Variants in IL23R observed in about 807,000 individuals in gnomAD.
The protein encoded by IL23R is interleukin 23 receptor, also known as interleukin-23 receptor.
A neutral mutation model predicts 56.9 loss-of-function variants in IL23R; 34 were observed. The observed-to-expected ratio is 0.60, with a 90% CI of 0.45 to 0.80. The LOEUF (loss-of-function observed/expected upper bound fraction) is 0.80. Ranked by LOEUF, IL23R falls within the 30% of genes least tolerant of loss-of-function variation. IL23R has a pLI of 0.00. For missense variants in IL23R, 635 were observed against 730.0 expected (o/e 0.87, Z 1.50); for synonymous variants, 230 against 249.2 (o/e 0.92, Z 0.73).
intron 7 of IL23R, among the ~76,000 whole-genome samples, chr1:67,222,102 C>CTTTTTTTTT (rs72241835): frequency 1.9e-3 from 110 of 58,868 alleles, no homozygotes; most frequent in Non-Finnish European, 2.5e-3. Context: ...TTCTTTCTTT[C>CTTTTTTTTT]TTTTTTTTTT....
chr1:67,264,702 G>A (rs1017810814), downstream of IL23R, among the ~76,000 whole-genome samples: 2 of 152,228 alleles, frequency 1.3e-5, no homozygotes, highest in East Asian at 1.9e-4. Flanking sequence ...TTATGTTAAG[G>A]CTTTCTTAGC....
At chr1:67,225,210 C>T (rs1469028047) in intron 7 of IL23R, among the ~76,000 whole-genome samples, 1 of 152,108 alleles carries the variant, frequency 6.6e-6, no homozygotes, top group African/African-American at 2.4e-5. Flanking sequence ...GAAATGCAAA[C>T]GCATGAGAAA....
At chr1:67,263,649 G>A (rs1321383891), downstream of IL23R, among the ~76,000 whole-genome samples, 8 of 152,134 alleles carry the variant, frequency 5.3e-5, no homozygotes, top group Non-Finnish European at 8.8e-5. Context: ...AGTGGCTCAC[G>A]CCTGTAATTT....
chr1:67,237,149 T>C (rs907219108), intron 8 of IL23R, among the ~76,000 whole-genome samples: 23 of 152,308 alleles, frequency 1.5e-4, no homozygotes, highest in African/African-American at 5.5e-4. Context: ...TTCAAGCGAT[T>C]CTGCTGCCTC....
chr1:67,183,019 GC>G, intron 4 of IL23R, 60 bp downstream of exon 4: 1 of 1,597,556 alleles, frequency 6.3e-7, no homozygotes, highest in Non-Finnish European at 8.6e-7. Flanking sequence ...CCAGAGCTCT[GC>G]CTCCAGCAGA....
chr1:67,216,902 C>T (rs1379444415), intron 6 of IL23R, among the ~76,000 whole-genome samples: 1 of 152,122 alleles, frequency 6.6e-6, no homozygotes, highest in African/African-American at 2.4e-5. Context: ...CCCATCACCA[C>T]CCCATTTCCC....
intron 3 of IL23R, among the ~76,000 whole-genome samples, chr1:67,178,801 T>A (rs1359914681): frequency 1.3e-5 from 2 of 152,244 alleles, no homozygotes; most frequent in African/African-American, 4.8e-5. Flanking sequence ...CACTAATACC[T>A]AATTTATTGA....
At chr1:67,263,112 C>CTTT (rs66482004), downstream of IL23R, among the ~76,000 whole-genome samples, 298 of 98,840 alleles carry the variant, frequency 3.0e-3, 2 homozygotes, top group African/African-American at 3.9e-3. Context: ...AATTTCTTTC[C>CTTT]TTTTTTTTTT....
chr1:67,261,082 C>CT (rs34219944), downstream of IL23R, among the ~76,000 whole-genome samples: 39,795 of 144,182 alleles, frequency 0.28, 6,353 homozygotes, highest in East Asian at 0.72. Context: ...TTTTGTTTTA[C>CT]TTTTTTTTTT....
intron 4 of IL23R, among the ~76,000 whole-genome samples, chr1:67,192,436 T>G (rs1342850771): frequency 6.6e-6 from 1 of 152,204 alleles, no homozygotes; most frequent in East Asian, 1.9e-4. Context: ...TGTGCAACTT[T>G]CACACCTAGG....
intron 4 of IL23R, among the ~76,000 whole-genome samples, chr1:67,193,667 C>G (rs958959257): frequency 6.6e-6 from 1 of 152,136 alleles, no homozygotes; most frequent in African/African-American, 2.4e-5. Flanking sequence ...TTGTAATATA[C>G]AGTTATGTAA....
intron 4 of IL23R, among the ~76,000 whole-genome samples, chr1:67,197,475 A>T (rs1424139571): frequency 6.6e-6 from 1 of 152,178 alleles, no homozygotes; most frequent in Non-Finnish European, 1.5e-5. Context: ...GAACTGAGGA[A>T]ATTCTAGTGA....
chr1:67,214,802 T>A (rs1477070542), intron 6 of IL23R, among the ~76,000 whole-genome samples: 1 of 152,148 alleles, frequency 6.6e-6, no homozygotes, highest in Non-Finnish European at 1.5e-5. Context: ...AGTACCTGTT[T>A]TAAGAAAAAA....
chr1:67,164,656 TAA>T (rs745864093), upstream of IL23R, among the ~76,000 whole-genome samples: 57,620 of 151,068 alleles, frequency 0.38, 11,411 homozygotes, highest in Admixed American at 0.48. Context: ...TAAAATAAAA[TAA>T]AATAAAATAA....
chr1:67,152,329 T>C (rs1040009519), intron 1 of IL23R, among the ~76,000 whole-genome samples: 2 of 152,228 alleles, frequency 1.3e-5, no homozygotes, highest in Admixed American at 1.3e-4. Context: ...ACTGCTGAAG[T>C]TGATTATCAG....
At position 67,169,754 on chromosome 1, in the gene IL23R, T is replaced by C. The variant is rs1646919113; in HGVS notation, c.367+116T>C. The C allele has an allele frequency of 7.9e-6, 8 of 1,014,534 alleles. 1 individual carries two copies. In the Admixed American group the frequency reaches 1.5e-4, roughly 19 times the overall value. 62.8% of individuals were successfully genotyped at this position (1,014,534 alleles called of 1,614,324 possible). A position where few individuals can be genotyped will look rare whatever the true frequency, so the allele number is the denominator to read the frequency against. ...TAATATAGTTCAGTTTTTAGATTAG[T>C]TTCATACAGGAGCTGCAAACTCAAA... On this transcript the variant is annotated intron_variant, in intron 3 of 10. Coordinates refer to ENST00000347310, the MANE Select transcript of IL23R (RefSeq NM_144701.3).
At chr1:67,249,207 C>T (rs1015815957) in intron 9 of IL23R, among the ~76,000 whole-genome samples, 3 of 152,204 alleles carry the variant, frequency 2.0e-5, no homozygotes, top group Non-Finnish European at 4.4e-5. Flanking sequence ...TTTTGTTCTA[C>T]TTTGGTTAGC....
At chr1:67,218,332 G>A (rs1347535886) in intron 6 of IL23R, among the ~76,000 whole-genome samples, 2 of 47,476 alleles carry the variant, frequency 4.2e-5, no homozygotes, top group African/African-American at 7.5e-5. Context: ...GCATATGTGT[G>A]TGTGTGTGTG....
At chr1:67,183,056 T>A in intron 4 of IL23R, 97 bp downstream of exon 4, 2 of 1,325,242 alleles carry the variant, frequency 1.5e-6, no homozygotes, top group Non-Finnish European at 2.1e-6. Flanking sequence ...CCTCAAACAT[T>A]AAATATATAC....
Sources: gnomAD v4.1 joint callset for allele counts (sites outside exome capture counted in the v4.1 genomes callset) on GRCh38, gnomAD v4.1.1 for gene constraint, MANE v1.5 for transcripts, NCBI Gene and HGNC (gene_info 2026-07-23, HGNC 2026-07-21) for gene names.